The following BCL7A variants were observed in gnomAD, a reference collection of about 807,000 sequenced individuals.
BCL7A encodes B-cell CLL/lymphoma 7 protein family member A.
BCL7A carries 11 observed loss-of-function variants against 28.4 expected under a neutral mutation model. The observed-to-expected ratio is 0.39, with a 90% CI of 0.24 to 0.64. The LOEUF (loss-of-function observed/expected upper bound fraction) is 0.64, where lower values mean the gene tolerates loss of function less well. Ranked by LOEUF, BCL7A falls within the 30% of genes least tolerant of loss-of-function variation. The pLI, the probability that BCL7A is intolerant of heterozygous loss-of-function variation, is 0.50. For missense variants in BCL7A, 222 were observed against 274.8 expected (o/e 0.81, Z 1.36); for synonymous variants, 123 against 103.3 (o/e 1.19, Z -1.15).
intron 4 of BCL7A, chr12:122,044,353 A>G: frequency 7.1e-6 from 2 of 281,716 alleles, no homozygotes; most frequent in South Asian, 6.5e-5. Context: ...TACCAAAAAA[A>G]AAAAAATAGC....
In BCL7A at chr12:122,043,997, C is replaced by T. The variant is rs761441546; in HGVS notation, c.383C>T (p.Thr128Ile). The change falls in exon 4 of 6, where the codon ACC (threonine) becomes ATC (isoleucine). Residue 128 changes from threonine (T) to isoleucine (I), a missense_variant. Coordinates refer to ENST00000261822, the MANE Select transcript of BCL7A (RefSeq NM_001024808.3). Reference protein sequence around the residue: ...EPNSAVPSDGTEAKVDEAQAD... With the variant: ...EPNSAVPSDGIEAKVDEAQAD... ...AACTCGGCTGTGCCCAGCGACGGCA[C>T]CGAGGCCAAGGTGGATGAGGCCCAG... 5.6e-6 allele frequency: 9 copies of T among 1,613,862 alleles called. No individual in the cohort carries two copies. Among genetic ancestry groups the T allele is most frequent in the African/African-American group, 2.7e-5 (2 of 74,934 alleles).
chr12:122,052,875 G>A (rs200659455), intron 4 of BCL7A, among the ~76,000 whole-genome samples: 8,083 of 137,780 alleles, frequency 0.059, 1,330 homozygotes, highest in African/African-American at 0.21. Context: ...AGTCGGGGGG[G>A]GGGGGGGGTT....
Position 122,059,078 on chromosome 12 carries a change from C to G in BCL7A, c.562-14C>G. On this transcript the variant is annotated splice_polypyrimidine_tract_variant and intron_variant, in intron 5 of 5. Transcript: ENST00000261822. This position sits in a 1 kb window ranked among gnomAD's most constrained non-coding sequence, Gnocchi z 4.0. The stretch of plus-strand genomic sequence containing the variant: ...GCCCATTAACCTGTGTTCCCCTTTT[C>G]TCCTCTCCCCAAGGATTTGGAAGGA... 2 of 1,596,078 alleles carry G rather than the reference C, an allele frequency of 1.3e-6. No individual in the cohort carries two copies. The highest frequency in any genetic ancestry group is 1.7e-6 in the Non-Finnish European group (2 of 1,163,522).
At chr12:122,057,702 A>G (rs28368627) in intron 5 of BCL7A, among the ~76,000 whole-genome samples, 3,485 of 152,104 alleles carry the variant, frequency 0.023, 145 homozygotes, top group African/African-American at 0.079. Context: ...TGAGTGTTAA[A>G]CCTTTTCTGG....
rs113822209 is a variant in BCL7A at position 122,021,918 on chromosome 12, G to T, written c.-174G>T. 4 of 296,514 alleles carry T rather than the reference G, an allele frequency of 1.3e-5. No individual in the cohort carries two copies. The South Asian group carries it at 1.5e-4, about 11-fold the overall frequency. The allele number at this position is 296,514 out of a possible 1,614,324, so 18.4% of individuals were successfully genotyped here. On this transcript the variant is annotated 5_prime_UTR_variant, in exon 1 of 6. Coordinates refer to ENST00000261822, the MANE Select transcript of BCL7A (RefSeq NM_001024808.3). ...CAGGCGCGCGGCGGCCCCGGGCTTT[G>T]TGTGTGTGTGTATGTGTGTGTGTGT...
intron 4 of BCL7A, among the ~76,000 whole-genome samples, chr12:122,045,007 A>G (rs1187781044): frequency 1.3e-5 from 2 of 152,162 alleles, no homozygotes; most frequent in South Asian, 2.1e-4. Flanking sequence ...ACAAGGCTCA[A>G]ACTGGGCGAC....
intron 1 of BCL7A, among the ~76,000 whole-genome samples, chr12:122,024,273 T>C (rs1883560290): frequency 6.6e-6 from 1 of 152,314 alleles, no homozygotes; most frequent in South Asian, 2.1e-4. Flanking sequence ...ACCTTGGGCA[T>C]ATCATTGTCA....
chr12:122,052,566 G>GT (rs1884212226), intron 4 of BCL7A, among the ~76,000 whole-genome samples: 1 of 152,170 alleles, frequency 6.6e-6, no homozygotes, highest in African/African-American at 2.4e-5. Context: ...GTCTCCATGG[G>GT]TTTGCCTATT....
At chr12:122,031,176 A>G (rs1303779720) in intron 2 of BCL7A, among the ~76,000 whole-genome samples, 2 of 152,076 alleles carry the variant, frequency 1.3e-5, no homozygotes, top group Non-Finnish European at 1.5e-5. Flanking sequence ...ACAGGTGCAC[A>G]CCACCACACC....
At chr12:122,054,130 G>C (rs1884256444) in intron 4 of BCL7A, among the ~76,000 whole-genome samples, 1 of 152,184 alleles carries the variant, frequency 6.6e-6, no homozygotes, top group Non-Finnish European at 1.5e-5. Flanking sequence ...TGTCACCCAA[G>C]CTTTAGTGCA....
At chr12:122,025,508 T>G (rs1372428444) in intron 1 of BCL7A, among the ~76,000 whole-genome samples, 1 of 151,590 alleles carries the variant, frequency 6.6e-6, no homozygotes, top group African/African-American at 2.4e-5. Flanking sequence ...GCGCCTGTAG[T>G]CCCAGCTACT....
chr12:122,049,032 AAAAATAT>A lies in BCL7A; in HGVS notation c.439+4981_439+4987del, dbSNP rs1362745482. On this transcript the variant is annotated intron_variant, in intron 4 of 5. Coordinates refer to ENST00000261822, the MANE Select transcript of BCL7A (RefSeq NM_001024808.3). ...GTGAAACGTGTAAAAAAAAAAAAAAAAAAATATATATATATATATATACATATACACA... is the reference window on the plus strand; with the variant it reads ...GTGAAACGTGTAAAAAAAAAAAAAAAATATATATATATATACATATACACA... 1.5e-3 allele frequency among the ~76,000 whole-genome samples: 115 copies of A among 76,306 alleles called. 1 individual carries two copies. Among genetic ancestry groups the A allele is most frequent in the African/African-American group, 5.0e-3 (84 of 16,674 alleles). The allele number at this position is 76,306 out of a possible 152,430, so 50.1% of individuals were successfully genotyped here.
chr12:122,031,033 C>A (rs1883732986), intron 2 of BCL7A, among the ~76,000 whole-genome samples: 1 of 152,022 alleles, frequency 6.6e-6, no homozygotes, highest in South Asian at 2.1e-4. Context: ...TCTTCTTCTT[C>A]TTCTTCTTTT....
In BCL7A at chr12:122,061,830, T is replaced by A. The variant is rs1951926073; in HGVS notation, c.*2667T>A. On this transcript the variant is annotated 3_prime_UTR_variant, in exon 6 of 6. Transcript: ENST00000261822. The stretch of plus-strand genomic sequence containing the variant: ...GGTGACCTCCCATTAGCAAACGGTG[T>A]CATGGTTTGGAATGTTCATTATCGC... The A allele has an allele frequency of 4.4e-6, 1 of 227,622 alleles. No individual in the cohort carries two copies. Among genetic ancestry groups the A allele is most frequent in the African/African-American group, 2.2e-5 (1 of 45,068 alleles). The allele number at this position is 227,622 out of a possible 1,614,324, so 14.1% of individuals were successfully genotyped here.
intron 2 of BCL7A, among the ~76,000 whole-genome samples, chr12:122,032,167 C>G (rs531961167): frequency 1.3e-5 from 2 of 152,326 alleles, no homozygotes; most frequent in East Asian, 3.9e-4. Context: ...CCCGGCAAGT[C>G]TTGGGTCTCT....
chr12:122,022,283 G>A, intron 1 of BCL7A, 100 bp downstream of exon 1: 1 of 675,208 alleles, frequency 1.5e-6, no homozygotes, highest in Non-Finnish European at 1.8e-6. Flanking sequence ...CGCCTGCCCC[G>A]GCCCAGCCCC....
intron 3 of BCL7A, among the ~76,000 whole-genome samples, chr12:122,041,281 G>A (rs990998652): frequency 6.6e-6 from 1 of 152,138 alleles, no homozygotes; most frequent in African/African-American, 2.4e-5. Flanking sequence ...ACGGGTTGTG[G>A]GGAGGATTCC....
In BCL7A at chr12:122,041,112, C is replaced by T. The variant is rs948398673; in HGVS notation, c.272-2774C>T. 3.3e-5 allele frequency among the ~76,000 whole-genome samples: 5 copies of T among 152,118 alleles called. No individual in the cohort carries two copies. In the Middle Eastern group the frequency reaches 0.014, roughly 414 times the overall value. On this transcript the variant is annotated intron_variant, in intron 3 of 5. Transcript: ENST00000261822. ...CAGTTAAAATCAGATCCAGGTTACC[C>T]GTGTGGGGCCGCCTGACTGCCTGGT...
chr12:122,039,319 AAATAAT>A (rs1349218734), intron 3 of BCL7A, among the ~76,000 whole-genome samples: 1 of 147,374 alleles, frequency 6.8e-6, no homozygotes, highest in Non-Finnish European at 1.5e-5. Context: ...TTAAAAAAAA[AAATAAT>A]AATAATAATA....
Sources: gnomAD v4.1 joint callset for allele counts (sites outside exome capture counted in the v4.1 genomes callset) on GRCh38, gnomAD v4.1.1 for gene constraint, Gnocchi (gnomAD v3.1) non-coding constraint, MANE v1.5 for transcripts, NCBI Gene and HGNC (gene_info 2026-07-23, HGNC 2026-07-21) for gene names.